Variants in ANXA8 observed in about 807,000 individuals in gnomAD.
The protein encoded by ANXA8 is annexin A8, also known as VAC-beta.
ANXA8 carries 9 observed loss-of-function variants against 26.8 expected under a neutral mutation model. The ratio of observed to expected loss-of-function variants is 0.34; its 90% CI spans 0.20 to 0.59. The LOEUF is 0.59. ANXA8 is among the 20% of genes least tolerant of loss of function. The pLI, the probability that ANXA8 is intolerant of heterozygous loss-of-function variation, is 0.84. For synonymous variants in ANXA8, 39 were observed against 94.8 expected, an observed-to-expected ratio of 0.41 and a Z score of 3.42; for missense variants, 83 against 238.5, an observed-to-expected ratio of 0.35 and a Z score of 4.29.
the ANXA8 span, among the ~76,000 whole-genome samples, chr10:47,653,057 A>G: frequency 6.6e-6 from 1 of 151,052 alleles, no homozygotes; most frequent in Non-Finnish European, 1.5e-5. Flanking sequence ...CACGCCTATA[A>G]TCCCAGCACT....
At chr10:47,776,009 G>T in the ANXA8 span, among the ~76,000 whole-genome samples, 1 of 152,020 alleles carries the variant, frequency 6.6e-6, no homozygotes. Context: ...ACTAGGAGGA[G>T]CTGGCATGGT....
chr10:47,744,493 G>A, the ANXA8 span, among the ~76,000 whole-genome samples: 2 of 147,032 alleles, frequency 1.4e-5, no homozygotes, highest in African/African-American at 2.5e-5. Context: ...TACTACAGCG[G>A]TAAGGGCTAG....
the ANXA8 span, among the ~76,000 whole-genome samples, chr10:47,577,726 G>A: frequency 9.9e-5 from 10 of 100,866 alleles, no homozygotes; most frequent in African/African-American, 3.8e-4. Context: ...TGGTCTGGGC[G>A]TGGTGGCTCA....
the ANXA8 span, among the ~76,000 whole-genome samples, chr10:47,549,812 A>G: frequency 7.0e-6 from 1 of 143,780 alleles, no homozygotes; most frequent in Admixed American, 6.9e-5. Context: ...AAAATGATCA[A>G]GAAAATATTG....
the ANXA8 span, among the ~76,000 whole-genome samples, chr10:47,618,432 T>C: frequency 9.0e-6 from 1 of 111,562 alleles, no homozygotes; most frequent in African/African-American, 3.5e-5. Context: ...AATAAATAAA[T>C]TCTAGAGGAT....
At chr10:47,942,035 A>G in the ANXA8 span, among the ~76,000 whole-genome samples, 2 of 147,792 alleles carry the variant, frequency 1.4e-5, no homozygotes, top group African/African-American at 5.2e-5. Context: ...TAAATATTTT[A>G]AAATCAGTTG....
At chr10:47,544,146 GGCCACATCCTGTA>G in the ANXA8 span, among the ~76,000 whole-genome samples, 1 of 151,858 alleles carries the variant, frequency 6.6e-6, no homozygotes, top group Non-Finnish European at 1.5e-5. Context: ...CGTAGGATGG[GGCCACATCCTGTA>G]GCCTTAAATG....
chr10:47,697,462 A>T, the ANXA8 span, among the ~76,000 whole-genome samples: 74 of 151,236 alleles, frequency 4.9e-4, no homozygotes, highest in African/African-American at 1.7e-3. Context: ...AAATATACTG[A>T]TTATACAAGA....
At chr10:47,558,447 A>C in the ANXA8 span, among the ~76,000 whole-genome samples, 3 of 151,752 alleles carry the variant, frequency 2.0e-5, 1 homozygote, top group African/African-American at 7.3e-5. Context: ...ATTTACCTTC[A>C]TTCCTACTAG....
the ANXA8 span, among the ~76,000 whole-genome samples, chr10:47,575,099 G>A: frequency 1.5e-5 from 2 of 137,162 alleles, no homozygotes; most frequent in African/African-American, 5.8e-5. Flanking sequence ...AGCTACTCAG[G>A]AGGCTGAGGC....
the ANXA8 span, among the ~76,000 whole-genome samples, chr10:47,670,439 A>G: frequency 6.6e-6 from 1 of 152,116 alleles, no homozygotes; most frequent in African/African-American, 2.4e-5. Flanking sequence ...GGAACTGCCA[A>G]TCTGTTTTCC....
the ANXA8 span, among the ~76,000 whole-genome samples, chr10:47,945,530 G>A: frequency 1.6e-3 from 237 of 149,510 alleles, 8 homozygotes; most frequent in Non-Finnish European, 2.8e-3. Context: ...ATGGGCCTAC[G>A]TCAGCTCCAG....
At chr10:47,469,547 T>C (rs1430979009) in intron 11 of ANXA8, among the ~76,000 whole-genome samples, 10 of 151,878 alleles carry the variant, frequency 6.6e-5, no homozygotes, top group African/African-American at 2.4e-4. Flanking sequence ...AGACTGACCT[T>C]GTGGTCCGAT....
the ANXA8 span, among the ~76,000 whole-genome samples, chr10:47,698,751 A>G: frequency 6.6e-5 from 10 of 152,262 alleles, no homozygotes; most frequent in South Asian, 2.1e-3. Flanking sequence ...CTTAAGTGGG[A>G]AAGAAAGTTG....
the ANXA8 span, among the ~76,000 whole-genome samples, chr10:47,949,667 T>G: frequency 6.6e-6 from 1 of 150,440 alleles, no homozygotes; most frequent in Admixed American, 6.6e-5. Flanking sequence ...GGTCTTACAT[T>G]GTACATAAAG....
At chr10:47,950,578 T>C in the ANXA8 span, among the ~76,000 whole-genome samples, 123 of 150,102 alleles carry the variant, frequency 8.2e-4, 6 homozygotes, top group African/African-American at 3.0e-3. Context: ...GGACCATATC[T>C]GGGGCAGAAA....
chr10:47,767,113 CAG>C, the ANXA8 span, among the ~76,000 whole-genome samples: 1 of 141,482 alleles, frequency 7.1e-6, no homozygotes, highest in East Asian at 2.1e-4. Context: ...CTGAGGAACA[CAG>C]AGGCCATAGC....
the ANXA8 span, among the ~76,000 whole-genome samples, chr10:47,489,980 G>A: frequency 6.6e-6 from 1 of 150,582 alleles, no homozygotes; most frequent in Admixed American, 6.6e-5. Context: ...AGCCCCATGA[G>A]GGCATGGGTC....
chr10:47,507,654 G>T, the ANXA8 span: 11 of 1,517,362 alleles, frequency 7.2e-6, no homozygotes, highest in Non-Finnish European at 9.7e-6. Context: ...TTTTTAAAAG[G>T]GGGGCAGAGG....
Sources: allele counts gnomAD v4.1 joint callset (sites outside exome capture counted in the v4.1 genomes callset), GRCh38; gene constraint gnomAD v4.1.1; transcripts MANE v1.5; gene names NCBI Gene and HGNC (gene_info 2026-07-23, HGNC 2026-07-21).